The following ALKBH1 variants were observed in gnomAD, a reference collection of about 807,000 sequenced individuals.
ALKBH1 encodes the protein alkB homolog 1, histone H2A dioxygenase, also known as nucleic acid dioxygenase ALKBH1.
A neutral mutation model predicts 36.6 loss-of-function variants in ALKBH1; 31 were observed. The observed-to-expected ratio is 0.85, with a 90% CI of 0.64 to 1.14. The LOEUF (loss-of-function observed/expected upper bound fraction) is 1.14, where lower values mean the gene tolerates loss of function less well. Among genes scored for constraint, ALKBH1 ranks in the 50% most tolerant of loss-of-function variants. The pLI, the probability that ALKBH1 is intolerant of heterozygous loss-of-function variation, is 0.00. For synonymous variants in ALKBH1, 183 were observed against 186.6 expected (o/e 0.98, Z 0.16); for missense variants, 490 against 497.3 (o/e 0.99, Z 0.14).
intron 2 of ALKBH1, among the ~76,000 whole-genome samples, chr14:77,695,988 A>T (rs1191668676): frequency 2.6e-5 from 4 of 152,054 alleles, no homozygotes. Context: ...GCTACTCAGG[A>T]GGCTGAGGCA....
chr14:77,692,717 A>G (rs993803561), intron 3 of ALKBH1, among the ~76,000 whole-genome samples: 1 of 152,090 alleles, frequency 6.6e-6, no homozygotes, highest in Non-Finnish European at 1.5e-5. Flanking sequence ...AGCATTTTCT[A>G]TAATCTACCT....
At chr14:77,677,808 A>G (rs1166580969) in intron 4 of ALKBH1, among the ~76,000 whole-genome samples, 1 of 152,136 alleles carries the variant, frequency 6.6e-6, no homozygotes, top group Non-Finnish European at 1.5e-5. Context: ...GTTTTCCTCT[A>G]TCATTTTAAG....
At chr14:77,706,864 G>T (rs1320087574) in intron 1 of ALKBH1, among the ~76,000 whole-genome samples, 4 of 152,054 alleles carry the variant, frequency 2.6e-5, no homozygotes, top group Non-Finnish European at 5.9e-5. Context: ...ACTTAATACT[G>T]TAGCATCCCA....
chr14:77,699,777 T>G (rs200519709), intron 2 of ALKBH1, among the ~76,000 whole-genome samples: 1 of 152,082 alleles, frequency 6.6e-6, no homozygotes, highest in Admixed American at 6.6e-5. Context: ...AGGTTCTGGC[T>G]GGGCGCGGTG....
At chr14:77,683,205 T>C (rs2080248395) in intron 3 of ALKBH1, 2 of 695,702 alleles carry the variant, frequency 2.9e-6, no homozygotes, top group South Asian at 1.4e-5. Flanking sequence ...ACACCTATTA[T>C]GCTATGAATC....
At chr14:77,675,901 C>A in intron 4 of ALKBH1, 52 bp from the exon 5 acceptor site, 1 of 1,441,182 alleles carries the variant, frequency 6.9e-7, no homozygotes, top group Non-Finnish European at 9.7e-7. Flanking sequence ...CTCAGGAATA[C>A]AGGAAACTAT....
chr14:77,689,496 G>A (rs1333536625), intron 3 of ALKBH1, among the ~76,000 whole-genome samples: 1 of 152,074 alleles, frequency 6.6e-6, no homozygotes, highest in Non-Finnish European at 1.5e-5. Flanking sequence ...ATTTAGCATT[G>A]TTCTTATTGG....
chr14:77,697,496 CA>C (rs2080334098), intron 2 of ALKBH1: 1 of 152,762 alleles, frequency 6.5e-6, no homozygotes, highest in South Asian at 2.1e-4. Flanking sequence ...GAACAGCCAC[CA>C]AGTGACTCTC....
At chr14:77,677,356 T>C (rs2080211851) in intron 4 of ALKBH1, among the ~76,000 whole-genome samples, 1 of 152,166 alleles carries the variant, frequency 6.6e-6, no homozygotes. Context: ...TAATACTCTC[T>C]ATAACATCTT....
chr14:77,693,520 A>G (rs1014647480), intron 3 of ALKBH1, among the ~76,000 whole-genome samples: 4 of 152,240 alleles, frequency 2.6e-5, no homozygotes, highest in Non-Finnish European at 4.4e-5. Flanking sequence ...AAGAAAGTAC[A>G]CATCCTATGC....
chr14:77,699,620 G>C (rs915588170), intron 2 of ALKBH1, among the ~76,000 whole-genome samples: 28 of 152,042 alleles, frequency 1.8e-4, no homozygotes, highest in African/African-American at 6.0e-4. Flanking sequence ...CTCTCTCCTG[G>C]CCCATCACAA....
chr14:77,675,746 C>T lies in ALKBH1; in HGVS notation c.650G>A (p.Gly217Glu). 1 of 1,614,110 alleles carries T rather than the reference C, an allele frequency of 6.2e-7. No individual in the cohort carries two copies. Among genetic ancestry groups the T allele is most frequent in the South Asian group, 1.1e-5 (1 of 91,088 alleles). Residue 217 changes from glycine (G) to glutamate (E), a missense_variant, in exon 5 of 6, where the codon GGG (glycine) becomes GAG (glutamate). Physicochemically the swap from Gly to Glu is moderately conservative, Grantham distance 98. Transcript: ENST00000216489. ...CGFEDFRAEA[G>E]ILNYYRLDST... ...GTCCAGGCGGTAGTAATTCAGGATC[C>T]CTGCTTCAGCTCGGAAATCCTCAAA...
chr14:77,698,075 G>A (rs986564753), intron 2 of ALKBH1, among the ~76,000 whole-genome samples: 1 of 152,120 alleles, frequency 6.6e-6, no homozygotes, highest in Non-Finnish European at 1.5e-5. Context: ...GGGCAATAAA[G>A]ACAAGTTAAA....
intron 3 of ALKBH1, among the ~76,000 whole-genome samples, chr14:77,684,746 C>T (rs1489669849): frequency 6.6e-6 from 1 of 152,174 alleles, no homozygotes; most frequent in Non-Finnish European, 1.5e-5. Flanking sequence ...CGGGGTCTCT[C>T]TATGTTGCCC....
chr14:77,704,084 G>T (rs1444471743), intron 2 of ALKBH1, among the ~76,000 whole-genome samples: 1 of 152,138 alleles, frequency 6.6e-6, no homozygotes, highest in Non-Finnish European at 1.5e-5. Flanking sequence ...TGCCAAATCA[G>T]ATGTTCAGAG....
rs532192565 is a variant in ALKBH1 at position 77,683,388 on chromosome 14, C to T, written c.456-3418G>A. The T allele has an allele frequency of 2.1e-4, 164 of 779,240 alleles. No individual in the cohort carries two copies. The South Asian group carries it at 2.2e-3, about 10-fold the overall frequency. The allele number at this position is 779,240 out of a possible 1,614,324, so 48.3% of individuals were successfully genotyped here. Reference sequence around the variant, plus strand: ...GGAAGCTATCTCGGCTCTTAGAGTGCTTAATGTGCTCAATGCGCACATTAA... The same window carrying T: ...GGAAGCTATCTCGGCTCTTAGAGTGTTTAATGTGCTCAATGCGCACATTAA... On this transcript the variant is annotated intron_variant, in intron 3 of 5. Coordinates refer to ENST00000216489, the MANE Select transcript of ALKBH1 (RefSeq NM_006020.3).
intron 3 of ALKBH1, chr14:77,683,055 T>C: frequency 2.5e-6 from 1 of 402,372 alleles, no homozygotes; most frequent in Non-Finnish European, 4.5e-6. Context: ...TCTCACCATG[T>C]TGTCCAGGAT....
chr14:77,679,623 G>A (rs529023613), intron 4 of ALKBH1, among the ~76,000 whole-genome samples: 9 of 152,148 alleles, frequency 5.9e-5, no homozygotes, highest in South Asian at 2.1e-4. Context: ...TAAAGACAGG[G>A]TTGTGCCACG....
chr14:77,676,335 C>G (rs2080205692), intron 4 of ALKBH1, among the ~76,000 whole-genome samples: 1 of 152,014 alleles, frequency 6.6e-6, no homozygotes, highest in African/African-American at 2.4e-5. Context: ...CATTCAAAAA[C>G]CCAAGTACCT....
Sources: gnomAD v4.1 joint callset for allele counts (sites outside exome capture counted in the v4.1 genomes callset) on GRCh38, gnomAD v4.1.1 for gene constraint, MANE v1.5 for transcripts, NCBI Gene and HGNC (gene_info 2026-07-23, HGNC 2026-07-21) for gene names.